The following PRKCB variants were observed in gnomAD, a reference collection of about 807,000 sequenced individuals.
The protein encoded by PRKCB is protein kinase C beta type.
A neutral mutation model predicts 81.5 loss-of-function variants in PRKCB; 13 were observed. The observed-to-expected ratio is 0.16, with a 90% CI of 0.10 to 0.25. The LOEUF (loss-of-function observed/expected upper bound fraction) is 0.25. PRKCB is among the 10% of genes least tolerant of loss of function. The pLI, the probability that PRKCB is intolerant of heterozygous loss-of-function variation, is 1.00. For missense variants in PRKCB, 509 were observed against 875.7 expected (o/e 0.58, Z 5.29); for synonymous variants, 335 against 321.4 (o/e 1.04, Z -0.45).
In PRKCB at chr16:24,092,788, C is replaced by T; in HGVS notation, c.530-3C>T. 6.2e-7 allele frequency: 1 copy of T among 1,610,142 alleles called. No individual in the cohort carries two copies. Among genetic ancestry groups the T allele is most frequent in the Non-Finnish European group, 8.5e-7 (1 of 1,178,670 alleles). Reference sequence around the variant, plus strand: ...AATGCAAAAACTGCTTTTTCTTTTTCAGTAAGAGATGCTAAAAACCTTGTA... The same window carrying T: ...AATGCAAAAACTGCTTTTTCTTTTTTAGTAAGAGATGCTAAAAACCTTGTA... On this transcript the variant is annotated splice_polypyrimidine_tract_variant and splice_region_variant and intron_variant, in intron 5 of 16. Transcript: ENST00000643927.
chr16:24,068,341 C>T (rs1005029127), intron 5 of PRKCB, among the ~76,000 whole-genome samples: 1 of 152,130 alleles, frequency 6.6e-6, no homozygotes, highest in African/African-American at 2.4e-5. Context: ...TCAAGTCCTG[C>T]CTTCCCTGGA....
At chr16:24,062,026 A>C (rs1021265034) in intron 5 of PRKCB, among the ~76,000 whole-genome samples, 1 of 151,888 alleles carries the variant, frequency 6.6e-6, no homozygotes, top group African/African-American at 2.4e-5. Context: ...GCACTGCCTC[A>C]TGGTTCACAC....
In PRKCB at chr16:24,017,127, A is replaced by G. The variant is rs1596513219; in HGVS notation, c.289-15009A>G. ...AGTGGGTATAAAGGTGTGTGCCTCTAGATACCAAGAGCTTATACTATGGTA... is the reference window on the plus strand; with the variant it reads ...AGTGGGTATAAAGGTGTGTGCCTCTGGATACCAAGAGCTTATACTATGGTA... On this transcript the variant is annotated intron_variant, in intron 3 of 16. Transcript: ENST00000643927. 3.3e-5 allele frequency among the ~76,000 whole-genome samples: 5 copies of G among 152,222 alleles called. No individual in the cohort carries two copies. The East Asian group carries it at 9.6e-4, about 29-fold the overall frequency.
At chr16:24,126,093 T>C (rs1966843804) in intron 9 of PRKCB, among the ~76,000 whole-genome samples, 1 of 152,170 alleles carries the variant, frequency 6.6e-6, no homozygotes, top group Non-Finnish European at 1.5e-5. Flanking sequence ...CCACTGCAGA[T>C]CCACAGAGCC....
At chr16:23,842,844 T>C (rs889653984) in intron 2 of PRKCB, among the ~76,000 whole-genome samples, 2 of 152,234 alleles carry the variant, frequency 1.3e-5, no homozygotes, top group African/African-American at 4.8e-5. Flanking sequence ...ACATGTAGAC[T>C]AGAAAAGTTT....
intron 2 of PRKCB, among the ~76,000 whole-genome samples, chr16:23,847,750 G>A (rs904501851): frequency 3.9e-5 from 6 of 152,170 alleles, no homozygotes; most frequent in Admixed American, 2.0e-4. Flanking sequence ...AACATAGAAC[G>A]AATATATTGT....
In PRKCB at chr16:24,219,206, A is replaced by G. The variant is rs1389891604; in HGVS notation, c.*4390A>G. The G allele has an allele frequency of 4.1e-6, 4 of 985,120 alleles. No homozygotes were observed. In the East Asian group the frequency reaches 4.5e-4, roughly 112 times the overall value. 61.0% of individuals were successfully genotyped at this position (985,120 alleles called of 1,614,324 possible). A position where few individuals can be genotyped will look rare whatever the true frequency, so the allele number is the denominator to read the frequency against. On this transcript the variant is annotated 3_prime_UTR_variant, in exon 17 of 17. Coordinates refer to ENST00000643927, the MANE Select transcript of PRKCB (RefSeq NM_002738.7). ...ACCTCCCTACTGAACAAAAAAAGAA[A>G]TGCCAGACTTACTAGGAGAATCGAG...
intron 3 of PRKCB, among the ~76,000 whole-genome samples, chr16:23,998,295 T>C (rs1281864897): frequency 6.6e-6 from 1 of 152,226 alleles, no homozygotes; most frequent in Non-Finnish European, 1.5e-5. Context: ...TTCTTGGTTC[T>C]CTGGCTTGCA....
chr16:24,121,999 T>A (rs981945989), intron 8 of PRKCB, among the ~76,000 whole-genome samples: 4 of 152,178 alleles, frequency 2.6e-5, no homozygotes, highest in Non-Finnish European at 5.9e-5. Flanking sequence ...TCCTTGCCAT[T>A]GGGGAGCTTA....
intron 10 of PRKCB, among the ~76,000 whole-genome samples, chr16:24,155,809 C>T (rs548733363): frequency 6.6e-6 from 1 of 152,242 alleles, no homozygotes; most frequent in East Asian, 1.9e-4. Context: ...GCTGTGTGAC[C>T]TGTAGCATTT....
intron 5 of PRKCB, among the ~76,000 whole-genome samples, chr16:24,037,463 C>T (rs1965637526): frequency 6.6e-6 from 1 of 152,226 alleles, no homozygotes; most frequent in South Asian, 2.1e-4. Context: ...ATTGTTTCAA[C>T]AACTCAAATG....
intron 2 of PRKCB, among the ~76,000 whole-genome samples, chr16:23,882,004 T>TTTCTTTCTTTCTTTC (rs1963119929): frequency 1.4e-5 from 1 of 71,970 alleles, no homozygotes. Context: ...CTTTCTTTCT[T>TTTCTTTCTTTCTTTC]TCTTTCTTTC....
intron 9 of PRKCB, among the ~76,000 whole-genome samples, chr16:24,140,112 G>T (rs531367012): frequency 6.6e-6 from 1 of 152,142 alleles, no homozygotes; most frequent in Non-Finnish European, 1.5e-5. Flanking sequence ...ACATGACTTC[G>T]CATCAGACTG....
At chr16:23,872,514 C>T (rs1259159065) in intron 2 of PRKCB, among the ~76,000 whole-genome samples, 1 of 152,046 alleles carries the variant, frequency 6.6e-6, no homozygotes, top group African/African-American at 2.4e-5. Context: ...GAGCAAGACC[C>T]TTTATCTAAA....
chr16:24,220,209 G>A lies in PRKCB; in HGVS notation c.*5393G>A. On this transcript the variant is annotated 3_prime_UTR_variant, in exon 17 of 17. Coordinates refer to ENST00000643927, the MANE Select transcript of PRKCB (RefSeq NM_002738.7). ...TTCCAGGATTCACGGTGCACATGCT[G>A]GCATTCAACATGTGGAAAGCTTGTC... The A allele has an allele frequency of 6.9e-7, 1 of 1,447,944 alleles. No individual in the cohort carries two copies. Among genetic ancestry groups the A allele is most frequent in the Non-Finnish European group, 9.4e-7 (1 of 1,060,026 alleles). The allele number at this position is 1,447,944 out of a possible 1,614,324, so 89.7% of individuals were successfully genotyped here. A position where few individuals can be genotyped will look rare whatever the true frequency, so the allele number is the denominator to read the frequency against.
intron 2 of PRKCB, among the ~76,000 whole-genome samples, chr16:23,926,044 G>A (rs995752968): frequency 4.0e-5 from 6 of 151,864 alleles, no homozygotes; most frequent in Admixed American, 1.3e-4. Context: ...GGAGGCTGAC[G>A]AAGGAAGATC....
At chr16:24,047,272 G>T (rs1459038969) in intron 5 of PRKCB, among the ~76,000 whole-genome samples, 1 of 152,080 alleles carries the variant, frequency 6.6e-6, no homozygotes. Flanking sequence ...AACCCGGGAG[G>T]CAGAAGTTGC....
intron 13 of PRKCB, among the ~76,000 whole-genome samples, chr16:24,181,870 G>A (rs984136804): frequency 6.6e-6 from 1 of 150,434 alleles, no homozygotes; most frequent in Non-Finnish European, 1.5e-5. Context: ...TGTTTTCAAT[G>A]AGTAAAAGCA....
At chr16:23,928,938 C>T (rs1225830997) in intron 2 of PRKCB, among the ~76,000 whole-genome samples, 7 of 152,014 alleles carry the variant, frequency 4.6e-5, no homozygotes, top group Admixed American at 6.5e-5. Context: ...AGGCTGTTCC[C>T]GACCTCCTGA....
Sources: allele counts gnomAD v4.1 joint callset (sites outside exome capture counted in the v4.1 genomes callset), GRCh38; gene constraint gnomAD v4.1.1; transcripts MANE v1.5; gene names NCBI Gene and HGNC (gene_info 2026-07-23, HGNC 2026-07-21).